Variants in SLC24A2 observed in about 807,000 individuals in gnomAD.
SLC24A2 encodes the protein sodium/potassium/calcium exchanger 2.
A neutral mutation model predicts 62.0 loss-of-function variants in SLC24A2; 36 were observed. That is an observed-to-expected ratio of 0.58 (90% CI 0.44 to 0.77). The LOEUF is 0.77. Ranked by LOEUF, SLC24A2 falls within the 30% of genes least tolerant of loss-of-function variation. SLC24A2 has a pLI of 0.00. For missense variants in SLC24A2, 846 were observed against 817.9 expected (o/e 1.03, Z -0.42); for synonymous variants, 358 against 294.0 (o/e 1.22, Z -2.23).
chr9:20,086,863 T>C, the SLC24A2 span, among the ~76,000 whole-genome samples: 1 of 152,232 alleles, frequency 6.6e-6, no homozygotes, highest in Non-Finnish European at 1.5e-5. Context: ...GTTGCAGTTA[T>C]ATGCATGAGC....
At chr9:20,246,524 G>A in the SLC24A2 span, among the ~76,000 whole-genome samples, 1 of 152,152 alleles carries the variant, frequency 6.6e-6, no homozygotes, top group African/African-American at 2.4e-5. Context: ...ATGTGTGTTG[G>A]GCTTAGGAAA....
chr9:19,875,217 G>A, the SLC24A2 span, among the ~76,000 whole-genome samples: 2 of 152,074 alleles, frequency 1.3e-5, no homozygotes, highest in African/African-American at 2.4e-5. Flanking sequence ...ATTTCCTCCT[G>A]ATGCTTCAAT....
intron 2 of SLC24A2, among the ~76,000 whole-genome samples, chr9:19,651,822 G>A (rs970809300): frequency 1.3e-4 from 20 of 152,148 alleles, no homozygotes; most frequent in African/African-American, 4.8e-4. Context: ...GCATCTACCC[G>A]CTCCTGATTC....
the SLC24A2 span, among the ~76,000 whole-genome samples, chr9:20,169,018 C>T: frequency 6.6e-6 from 1 of 151,878 alleles, no homozygotes; most frequent in African/African-American, 2.4e-5. Context: ...ATTACTCAGT[C>T]ATTAAAAGAA....
At chr9:20,143,131 C>T in the SLC24A2 span, among the ~76,000 whole-genome samples, 1 of 152,162 alleles carries the variant, frequency 6.6e-6, no homozygotes, top group Non-Finnish European at 1.5e-5. Flanking sequence ...CACAAAATGG[C>T]AGCCTTTACC....
In SLC24A2 at chr9:19,520,982, T is replaced by C; in HGVS notation, c.1648A>G (p.Ile550Val). 1 of 1,613,940 alleles carries C rather than the reference T, an allele frequency of 6.2e-7. No homozygotes were observed. Among genetic ancestry groups the C allele is most frequent in the East Asian group, 2.2e-5 (1 of 44,858 alleles). Reference sequence around the variant, plus strand: ...TTCCGGGCCACTATGACACTGGTGATAAGATCAGGGATGGAGGTCCCAGCA... The same window carrying C: ...TTCCGGGCCACTATGACACTGGTGACAAGATCAGGGATGGAGGTCCCAGCA... ...LAAGTSIPDLITSVIVARKGL... is the reference protein window; with the variant it reads ...LAAGTSIPDLVTSVIVARKGL... The change falls in exon 10 of 11, where the codon ATC becomes GTC. Residue 550 changes from isoleucine to valine, a missense_variant. Coordinates refer to ENST00000341998, the MANE Select transcript of SLC24A2 (RefSeq NM_020344.4).
intron 5 of SLC24A2, among the ~76,000 whole-genome samples, chr9:19,581,351 T>C (rs1022989711): frequency 1.3e-5 from 2 of 152,190 alleles, no homozygotes; most frequent in Non-Finnish European, 2.9e-5. Flanking sequence ...CTTTCCCTCA[T>C]CACCTGCAGG....
intron 2 of SLC24A2, among the ~76,000 whole-genome samples, chr9:19,685,758 C>T (rs1331846483): frequency 6.6e-6 from 1 of 151,960 alleles, no homozygotes; most frequent in African/African-American, 2.4e-5. Flanking sequence ...TTACTCCATA[C>T]ACAAAAATCA....
At chr9:20,026,516 T>C in the SLC24A2 span, among the ~76,000 whole-genome samples, 2 of 152,204 alleles carry the variant, frequency 1.3e-5, no homozygotes, top group Non-Finnish European at 2.9e-5. Context: ...CTCCATTGCG[T>C]GCCCCAGTTA....
At chr9:19,792,577 A>T (rs1823331816), upstream of SLC24A2, among the ~76,000 whole-genome samples, 1 of 148,268 alleles carries the variant, frequency 6.7e-6, no homozygotes, top group Non-Finnish European at 1.5e-5. Context: ...GTGTGGTGGC[A>T]GGTGCCTGTA....
chr9:20,293,481 A>T, the SLC24A2 span, among the ~76,000 whole-genome samples: 1 of 152,110 alleles, frequency 6.6e-6, no homozygotes, highest in Admixed American at 6.5e-5. Flanking sequence ...TAACTGCAAG[A>T]TTGGCTGGCT....
chr9:19,597,892 T>C (rs939014141), intron 4 of SLC24A2, among the ~76,000 whole-genome samples: 5 of 152,046 alleles, frequency 3.3e-5, no homozygotes, highest in Non-Finnish European at 7.4e-5. Flanking sequence ...CCAGCTCAGA[T>C]AAGTGACAGG....
intron 10 of SLC24A2, among the ~76,000 whole-genome samples, chr9:19,520,068 T>TG (rs1833116035): frequency 6.6e-6 from 1 of 152,142 alleles, no homozygotes; most frequent in Non-Finnish European, 1.5e-5. Flanking sequence ...AGACACTGTA[T>TG]GAAAAACAAT....
At chr9:19,954,366 G>A in the SLC24A2 span, among the ~76,000 whole-genome samples, 1 of 152,004 alleles carries the variant, frequency 6.6e-6, no homozygotes, top group Non-Finnish European at 1.5e-5. Flanking sequence ...TGCTGGATAA[G>A]GAGGAAGTAA....
At chr9:19,843,072 T>C in the SLC24A2 span, among the ~76,000 whole-genome samples, 3 of 152,160 alleles carry the variant, frequency 2.0e-5, no homozygotes, top group Non-Finnish European at 4.4e-5. Flanking sequence ...TGCCAGTCCA[T>C]GAACAATGCT....
At chr9:20,231,343 A>G in the SLC24A2 span, among the ~76,000 whole-genome samples, 66 of 152,232 alleles carry the variant, frequency 4.3e-4, no homozygotes, top group African/African-American at 1.3e-3. Context: ...CATTTTCATG[A>G]TATTGATTCT....
chr9:20,099,198 A>T, the SLC24A2 span, among the ~76,000 whole-genome samples: 1 of 152,208 alleles, frequency 6.6e-6, no homozygotes, highest in Non-Finnish European at 1.5e-5. Flanking sequence ...CTTTTGAAAG[A>T]AATGGTTGAC....
the SLC24A2 span, among the ~76,000 whole-genome samples, chr9:20,170,960 G>A: frequency 9.9e-3 from 1,505 of 152,090 alleles, 29 homozygotes; most frequent in African/African-American, 0.033. Context: ...CTTAAGAGCT[G>A]TGAGACAAAA....
intron 2 of SLC24A2, among the ~76,000 whole-genome samples, chr9:19,737,423 G>T (rs1447062043): frequency 1.3e-5 from 2 of 151,988 alleles, no homozygotes; most frequent in South Asian, 4.1e-4. Flanking sequence ...TGTGAATGAT[G>T]GTGTCATAAA....
Sources: gnomAD v4.1 joint callset for allele counts (sites outside exome capture counted in the v4.1 genomes callset) on GRCh38, gnomAD v4.1.1 for gene constraint, MANE v1.5 for transcripts, NCBI Gene and HGNC (gene_info 2026-07-23, HGNC 2026-07-21) for gene names.